Variants in TSPAN5 observed in about 807,000 individuals in gnomAD.
The protein encoded by TSPAN5 is tetraspanin 5.
In TSPAN5, 10 loss-of-function variants were observed where a neutral mutation model predicts 37.1. That is an observed-to-expected ratio of 0.27 (90% CI 0.17 to 0.46). The LOEUF is 0.46. TSPAN5 is among the 20% of genes least tolerant of loss of function. The probability of loss-of-function intolerance (pLI) is 1.00; values close to 1 mark genes in which losing one functional copy is unlikely to be tolerated. For missense variants in TSPAN5, 195 were observed against 326.6 expected, an observed-to-expected ratio of 0.60 and a Z score of 3.11; for synonymous variants, 110 against 118.9, an observed-to-expected ratio of 0.93 and a Z score of 0.48.
At chr4:98,617,940 C>G (rs959505402) in intron 1 of TSPAN5, among the ~76,000 whole-genome samples, 1 of 152,238 alleles carries the variant, frequency 6.6e-6, no homozygotes, top group Non-Finnish European at 1.5e-5. Context: ...ACCATCTGTT[C>G]TAGAATTCTC....
At chr4:98,486,066 C>G (rs2110263624) in intron 3 of TSPAN5, among the ~76,000 whole-genome samples, 1 of 152,152 alleles carries the variant, frequency 6.6e-6, no homozygotes, top group East Asian at 1.9e-4. Flanking sequence ...ATAAACGGCA[C>G]ATGCCATTTT....
At chr4:98,586,875 C>A (rs777124592) in intron 1 of TSPAN5, among the ~76,000 whole-genome samples, 2 of 152,230 alleles carry the variant, frequency 1.3e-5, no homozygotes, top group Non-Finnish European at 2.9e-5. Context: ...ACCAAGCCAG[C>A]GGCATGCACA....
At chr4:98,640,487 T>G (rs776726005) in intron 1 of TSPAN5, among the ~76,000 whole-genome samples, 1 of 152,092 alleles carries the variant, frequency 6.6e-6, no homozygotes. Flanking sequence ...ATCCCTGAGG[T>G]AAGACATAAG....
chr4:98,528,482 C>A (rs1300560755), intron 1 of TSPAN5, among the ~76,000 whole-genome samples: 2 of 145,140 alleles, frequency 1.4e-5, no homozygotes, highest in African/African-American at 5.1e-5. Flanking sequence ...TATATTTAAT[C>A]TGCTTTGGTA....
At chr4:98,476,524 G>A (rs1365438246) in intron 5 of TSPAN5, 64 bp from the exon 6 acceptor site, 5 of 1,508,988 alleles carry the variant, frequency 3.3e-6, no homozygotes, top group Non-Finnish European at 4.6e-6. Context: ...ACCTAGAAAT[G>A]AGCAGAAGAC....
intron 1 of TSPAN5, among the ~76,000 whole-genome samples, chr4:98,609,901 T>C (rs1756140859): frequency 6.6e-6 from 1 of 152,170 alleles, no homozygotes. Context: ...AGAGGCTGCC[T>C]GACTGATTTC....
intron 1 of TSPAN5, among the ~76,000 whole-genome samples, chr4:98,530,876 G>A (rs952158159): frequency 2.0e-5 from 3 of 151,988 alleles, no homozygotes; most frequent in Non-Finnish European, 2.9e-5. Context: ...TGAGTAGCTG[G>A]GACTAGGGGC....
At chr4:98,618,179 A>G (rs534729428) in intron 1 of TSPAN5, among the ~76,000 whole-genome samples, 4 of 152,328 alleles carry the variant, frequency 2.6e-5, no homozygotes, top group South Asian at 4.1e-4. Context: ...AATGTAGAAA[A>G]GTGCATTCAA....
chr4:98,552,724 C>T (rs1405521331), intron 1 of TSPAN5, among the ~76,000 whole-genome samples: 1 of 152,160 alleles, frequency 6.6e-6, no homozygotes, highest in Non-Finnish European at 1.5e-5. Context: ...ATGGGAAAGA[C>T]AATAGGAGCT....
At chr4:98,544,432 C>T (rs1754425380) in intron 1 of TSPAN5, among the ~76,000 whole-genome samples, 3 of 151,866 alleles carry the variant, frequency 2.0e-5, no homozygotes. Context: ...TAGGGGAAGC[C>T]ATGGCCTGTC....
chr4:98,532,860 G>A (rs1486214653), intron 1 of TSPAN5, among the ~76,000 whole-genome samples: 1 of 152,172 alleles, frequency 6.6e-6, no homozygotes, highest in Non-Finnish European at 1.5e-5. Context: ...TTTGAGATAT[G>A]TTCCATTGAT....
At chr4:98,605,011 A>G (rs1024892571) in intron 1 of TSPAN5, among the ~76,000 whole-genome samples, 3 of 152,204 alleles carry the variant, frequency 2.0e-5, no homozygotes, top group Non-Finnish European at 2.9e-5. Context: ...CTCGCTCTAC[A>G]TTTTAAATTA....
chr4:98,536,953 C>T (rs1290879427), intron 1 of TSPAN5, among the ~76,000 whole-genome samples: 1 of 152,140 alleles, frequency 6.6e-6, no homozygotes, highest in Non-Finnish European at 1.5e-5. Context: ...TGGGACCCGC[C>T]GAGCCAGACC....
chr4:98,582,950 G>A (rs1390288156), intron 1 of TSPAN5, among the ~76,000 whole-genome samples: 1 of 152,178 alleles, frequency 6.6e-6, no homozygotes, highest in East Asian at 1.9e-4. Context: ...CAGACAAAAA[G>A]CAAAACATAT....
rs188539078 is a variant in TSPAN5 at position 98,576,823 on chromosome 4, G to A, written c.82-69095C>T. Among the ~76,000 whole-genome samples, 1,233 of 152,212 alleles carry A rather than the reference G, an allele frequency of 8.1e-3. 20 individuals are homozygous for A. Among genetic ancestry groups the A allele is most frequent in the African/African-American group, 0.028 (1,152 of 41,540 alleles). On this transcript the variant is annotated intron_variant, in intron 1 of 7. Transcript: ENST00000305798. Reference sequence around the variant, plus strand: ...CGCCCAGGCTGGAATGCAGTGGTGCGATCTCAGCTCACTGCAACCTCCACC... The same window carrying A: ...CGCCCAGGCTGGAATGCAGTGGTGCAATCTCAGCTCACTGCAACCTCCACC...
chr4:98,579,156 A>C (rs1472625820), intron 1 of TSPAN5, among the ~76,000 whole-genome samples: 2 of 152,156 alleles, frequency 1.3e-5, no homozygotes, highest in Non-Finnish European at 2.9e-5. Context: ...AGTCAACTGC[A>C]ACACAGCATC....
intron 1 of TSPAN5, among the ~76,000 whole-genome samples, chr4:98,652,947 C>T (rs1272401769): frequency 6.6e-6 from 1 of 152,156 alleles, no homozygotes. Context: ...AATGCTTCTG[C>T]GCCTTCATAC....
intron 1 of TSPAN5, among the ~76,000 whole-genome samples, chr4:98,565,460 T>C (rs1037418989): frequency 4.6e-5 from 7 of 152,102 alleles, no homozygotes; most frequent in Admixed American, 2.6e-4. Flanking sequence ...GGAGAAAATA[T>C]ACACAGTAGA....
intron 2 of TSPAN5, among the ~76,000 whole-genome samples, chr4:98,491,838 T>G (rs958081481): frequency 3.9e-5 from 6 of 152,168 alleles, no homozygotes; most frequent in Non-Finnish European, 8.8e-5. Context: ...ATTTGACAGA[T>G]GAGTAAGAAG....
Sources: gnomAD v4.1 joint callset for allele counts (sites outside exome capture counted in the v4.1 genomes callset) on GRCh38, gnomAD v4.1.1 for gene constraint, MANE v1.5 for transcripts, NCBI Gene and HGNC (gene_info 2026-07-23, HGNC 2026-07-21) for gene names.